AKAP9: variants seen among roughly 807,000 people sequenced by gnomAD.
AKAP9 encodes A-kinase anchoring protein 9, also known as A-kinase anchor protein 9.
Under a neutral mutation model 488.5 loss-of-function variants are expected in AKAP9, and 311 were observed. The observed-to-expected ratio is 0.64, with a 90% CI of 0.58 to 0.70. The LOEUF is 0.70. Among genes scored for constraint, AKAP9 ranks in the 30% least tolerant of loss-of-function variants. The pLI is 0.00. For synonymous variants in AKAP9, 1,462 were observed against 1,483.5 expected (o/e 0.99, Z 0.33); for missense variants, 4,215 against 4,374.5 (o/e 0.96, Z 1.03).
intron 2 of AKAP9, among the ~76,000 whole-genome samples, chr7:91,979,749 T>C (rs1796151608): frequency 6.6e-6 from 1 of 152,158 alleles, no homozygotes; most frequent in African/African-American, 2.4e-5. Flanking sequence ...CAAGTAACTG[T>C]TGGGCAGGTA....
At chr7:92,055,546 A>C (rs888233479) in intron 22 of AKAP9, among the ~76,000 whole-genome samples, 1 of 152,100 alleles carries the variant, frequency 6.6e-6, no homozygotes, top group African/African-American at 2.4e-5. Flanking sequence ...AAGTAAAGCT[A>C]TTTTGTTTAG....
At position 92,002,167 on chromosome 7, in the gene AKAP9, T is replaced by G; in HGVS notation, c.2250T>G (p.Leu750=). 6.9e-6 allele frequency: 11 copies of G among 1,593,800 alleles called. No homozygotes were observed. The highest frequency in any genetic ancestry group is 9.4e-6 in the Non-Finnish European group (11 of 1,174,336). The change falls in exon 8 of 50, where the codon CTT becomes CTG. Residue 750 remains leucine (L), a synonymous_variant. Transcript: ENST00000356239. ...TLEQEVQELQ[L]KTELLEKQMK... ...AACAAGAAGTTCAAGAATTACAACT[T>G]AAAACAGAATTGTTAGAAAAACAGA...
chr7:92,107,572 C>A, intron 48 of AKAP9, 150 bp downstream of exon 48: 4 of 766,288 alleles, frequency 5.2e-6, no homozygotes, highest in Non-Finnish European at 8.5e-6. Flanking sequence ...TGCGGTGGCT[C>A]ACACCTATAA....
At chr7:91,947,026 T>G (rs1051490798) in intron 1 of AKAP9, among the ~76,000 whole-genome samples, 1 of 152,192 alleles carries the variant, frequency 6.6e-6, no homozygotes, top group African/African-American at 2.4e-5. Context: ...TTATATTCAT[T>G]TCTTAGTAAG....
At position 92,095,056 on chromosome 7, in the gene AKAP9, T is replaced by G. The variant is rs1171307511; in HGVS notation, c.9612T>G (p.His3204Gln). The G allele has an allele frequency of 6.2e-7, 1 of 1,614,108 alleles. No homozygotes were observed. The highest frequency in any genetic ancestry group is 8.5e-7 in the Non-Finnish European group (1 of 1,179,952). Residue 3204 changes from histidine to glutamine, a missense_variant, in exon 40 of 50, where the codon CAT (histidine) becomes CAG (glutamine). By Grantham distance (24) the His-to-Gln change is conservative (BLOSUM62 0). This residue lies in a region of AKAP9 where 1,476 missense variants were observed against 1,477.4 expected (regional missense o/e 1.00). Transcript: ENST00000356239. The stretch of plus-strand genomic sequence containing the variant: ...TTAAAGATAAGACAGATGAAGTACA[T>G]TTGCTTAATGACACATTAGCAAGTG... ...LEVKDKTDEV[H>Q]LLNDTLASEQ...
chr7:91,991,889 C>T (rs1026277942), intron 3 of AKAP9, among the ~76,000 whole-genome samples: 14 of 152,178 alleles, frequency 9.2e-5, no homozygotes, highest in Admixed American at 2.6e-4. Flanking sequence ...CAAACAGAAA[C>T]TGCACTTAGA....
At chr7:92,007,281 C>CTT (rs35623219) in intron 8 of AKAP9, among the ~76,000 whole-genome samples, 55 of 84,124 alleles carry the variant, frequency 6.5e-4, no homozygotes, top group South Asian at 1.4e-3. Context: ...AACTGAAATT[C>CTT]TTTTTTTTTT....
At chr7:92,097,379 A>G in intron 41 of AKAP9, 22 bp downstream of exon 41, 1 of 1,609,198 alleles carries the variant, frequency 6.2e-7, no homozygotes, top group South Asian at 1.1e-5. Flanking sequence ...GTTTCTTTTT[A>G]GATATTTTTA....
At chr7:92,039,285 G>A (rs754499167) in intron 17 of AKAP9, among the ~76,000 whole-genome samples, 3 of 152,044 alleles carry the variant, frequency 2.0e-5, no homozygotes, top group Non-Finnish European at 2.9e-5. Context: ...AAACAAGTCT[G>A]GTTCATAGTA....
In AKAP9 at chr7:92,102,612, T is replaced by C. The variant is rs774276502; in HGVS notation, c.11116T>C (p.Leu3706=). 7.4e-6 allele frequency: 12 copies of C among 1,614,188 alleles called. No individual in the cohort carries two copies. Among genetic ancestry groups the C allele is most frequent in the East Asian group, 2.2e-5 (1 of 44,886 alleles). ...AATATAGAGAATTTATGGTAAATAC[T>C]TGAGGGCAGAAAGTTTTCGAAAGGC... ...VTLKRIYGKY[L]RAESFRKALI... The change falls in exon 46 of 50, where the codon TTG becomes CTG. Residue 3706 remains leucine, a synonymous_variant. Coordinates refer to ENST00000356239, the MANE Select transcript of AKAP9 (RefSeq NM_005751.5).
chr7:92,073,483 G>C (rs867620486), intron 28 of AKAP9, among the ~76,000 whole-genome samples: 2 of 151,708 alleles, frequency 1.3e-5, no homozygotes, highest in African/African-American at 4.8e-5. Flanking sequence ...TCTAGCGTGG[G>C]CAACAGAGTG....
intron 1 of AKAP9, among the ~76,000 whole-genome samples, chr7:91,949,318 C>T (rs1791904445): frequency 6.6e-6 from 1 of 151,954 alleles, no homozygotes; most frequent in Non-Finnish European, 1.5e-5. Flanking sequence ...ATTGTTGCTT[C>T]CTTTGAGTGA....
At chr7:92,009,052 C>T (rs933395449) in intron 8 of AKAP9, among the ~76,000 whole-genome samples, 21 of 151,582 alleles carry the variant, frequency 1.4e-4, no homozygotes, top group African/African-American at 4.4e-4. Context: ...GATGCAGTTG[C>T]TCACACCTAT....
At chr7:92,008,940 C>A (rs1800306169) in intron 8 of AKAP9, among the ~76,000 whole-genome samples, 2 of 148,034 alleles carry the variant, frequency 1.4e-5, no homozygotes, top group Non-Finnish European at 1.5e-5. Context: ...GAGCTGAAAT[C>A]ACACCACTGC....
intron 22 of AKAP9, among the ~76,000 whole-genome samples, chr7:92,057,144 T>G (rs1249785407): frequency 1.3e-5 from 2 of 152,094 alleles, no homozygotes; most frequent in Non-Finnish European, 2.9e-5. Flanking sequence ...AATTTTTTCC[T>G]TAGCATGTAC....
chr7:92,079,534 A>G lies in AKAP9; in HGVS notation c.7401A>G (p.Val2467=). ...GCAAAGACAAACCTGAACTAGAAGT[A>G]GTCCTTACAGAGGATGCTCTTAAAT... is the stretch of plus-strand genomic sequence containing the variant. ...HLSKDKPELE[V]VLTEDALKSL... Residue 2467 remains valine (V), a synonymous_variant, in exon 31 of 50, where the codon GTA becomes GTG. Coordinates refer to ENST00000356239, the MANE Select transcript of AKAP9 (RefSeq NM_005751.5). The G allele has an allele frequency of 6.2e-7, 1 of 1,613,862 alleles. No homozygotes were observed.
At chr7:92,038,889 CT>C in intron 17 of AKAP9, 117 bp downstream of exon 17, 1 of 757,166 alleles carries the variant, frequency 1.3e-6, no homozygotes, top group East Asian at 2.7e-5. Context: ...CAAATTCAGT[CT>C]TATGACTCAC....
Position 92,012,942 on chromosome 7 carries a change from G to C in AKAP9, c.3532+300G>C, listed in dbSNP as rs1190270768. Among the ~76,000 whole-genome samples, 3 of 150,134 alleles carry C rather than the reference G, an allele frequency of 2.0e-5. No homozygotes were observed. The East Asian group carries it at 5.9e-4, about 30-fold the overall frequency. On this transcript the variant is annotated intron_variant, in intron 9 of 49. Coordinates refer to ENST00000356239, the MANE Select transcript of AKAP9 (RefSeq NM_005751.5). ...CTAGTACTTCCTGGCAGGATGAGTAGGGTGAGGTGGTAGACAGTGGTGGGG... is the reference window on the plus strand; with the variant it reads ...CTAGTACTTCCTGGCAGGATGAGTACGGTGAGGTGGTAGACAGTGGTGGGG...
rs1215615118 is a variant in AKAP9, at chr7:92,038,481, A to G, written c.4401A>G (p.Gly1467=). ...CTGAACTGTCTAGAATATCTGGGGG[A>G]AAAGAAAATACTGCATCATCAAAGC... is the stretch of plus-strand genomic sequence containing the variant. ...QQTELSRISG[G]KENTASSKQA... The change falls in exon 17 of 50, where the codon GGA becomes GGG. Residue 1467 remains glycine (G), a synonymous_variant. Transcript: ENST00000356239. 4.3e-6 allele frequency: 7 copies of G among 1,613,796 alleles called. No individual in the cohort carries two copies. The highest frequency in any genetic ancestry group is 4.0e-5 in the African/African-American group (3 of 74,922).
Sources: allele counts gnomAD v4.1 joint callset (sites outside exome capture counted in the v4.1 genomes callset), GRCh38; gene constraint gnomAD v4.1.1; regional missense constraint gnomAD v4.1.1; transcripts MANE v1.5; gene names NCBI Gene and HGNC (gene_info 2026-07-23, HGNC 2026-07-21).